The following CCDC126 variants were observed in gnomAD, a reference collection of about 807,000 sequenced individuals.
CCDC126 encodes the protein coiled-coil domain containing 126.
Under a neutral mutation model 11.7 loss-of-function variants are expected in CCDC126, and 5 were observed. That is an observed-to-expected ratio of 0.43 (90% CI 0.22 to 0.90). The LOEUF (loss-of-function observed/expected upper bound fraction) is 0.90, where lower values mean the gene tolerates loss of function less well. CCDC126 is among the 40% of genes least tolerant of loss of function. CCDC126 has a pLI of 0.27. For missense variants in CCDC126, 150 were observed against 163.1 expected, an observed-to-expected ratio of 0.92 and a Z score of 0.44; for synonymous variants, 60 against 61.9, an observed-to-expected ratio of 0.97 and a Z score of 0.14.
intron 3 of CCDC126, among the ~76,000 whole-genome samples, chr7:23,624,404 A>T (rs1448284612): frequency 6.6e-6 from 1 of 152,158 alleles, no homozygotes; most frequent in Non-Finnish European, 1.5e-5. Context: ...CGGCCTCTCA[A>T]AGTGCTGGGA....
At chr7:23,597,682 C>A in intron 1 of CCDC126, 77 bp downstream of exon 1, 1 of 152,858 alleles carries the variant, frequency 6.5e-6, no homozygotes, top group South Asian at 1.9e-4. Context: ...CCGCTCCTCC[C>A]CCGCCGCGCC....
intron 3 of CCDC126, among the ~76,000 whole-genome samples, chr7:23,638,218 C>T (rs1464716012): frequency 6.6e-6 from 1 of 152,060 alleles, no homozygotes; most frequent in South Asian, 2.1e-4. Context: ...GGAGGTGTGC[C>T]TAGCGACTCA....
chr7:23,643,213 C>A lies in CCDC126; in HGVS notation c.*98C>A. 2.0e-6 allele frequency: 2 copies of A among 999,624 alleles called. No individual in the cohort carries two copies. The highest frequency in any genetic ancestry group is 2.9e-5 in the Admixed American group (1 of 33,946). The allele number at this position is 999,624 out of a possible 1,614,324, so 61.9% of individuals were successfully genotyped here. ...TGGCTTAGGACAGAGCAATACTTTA[C>A]AATAAAAGCTCTACACATTTTCAAG... On this transcript the variant is annotated 3_prime_UTR_variant, in exon 4 of 4. Transcript: ENST00000307471.
At chr7:23,632,904 A>C (rs1219371051) in intron 3 of CCDC126, among the ~76,000 whole-genome samples, 2 of 152,238 alleles carry the variant, frequency 1.3e-5, no homozygotes, top group Non-Finnish European at 2.9e-5. Flanking sequence ...TTTCTTAGGA[A>C]AAATTAGGCT....
At chr7:23,603,381 A>C (rs1367185614) in intron 2 of CCDC126, among the ~76,000 whole-genome samples, 1 of 152,248 alleles carries the variant, frequency 6.6e-6, no homozygotes, top group African/African-American at 2.4e-5. Context: ...AACTGCCATT[A>C]CTATTTTCTG....
intron 3 of CCDC126, among the ~76,000 whole-genome samples, chr7:23,639,492 A>G (rs1224382423): frequency 1.3e-5 from 2 of 152,224 alleles, no homozygotes; most frequent in African/African-American, 2.4e-5. Flanking sequence ...GGCGTGAGCC[A>G]TCGCACCCAG....
chr7:23,632,011 C>T (rs1217989908), intron 3 of CCDC126, among the ~76,000 whole-genome samples: 1 of 151,892 alleles, frequency 6.6e-6, no homozygotes, highest in Non-Finnish European at 1.5e-5. Flanking sequence ...GATCAAAATT[C>T]CCCCAAATAT....
intron 3 of CCDC126, among the ~76,000 whole-genome samples, chr7:23,618,908 A>C (rs1358418061): frequency 6.6e-6 from 1 of 152,016 alleles, no homozygotes; most frequent in Non-Finnish European, 1.5e-5. Context: ...GATGATCTCT[A>C]ATATCAGTAT....
intron 3 of CCDC126, among the ~76,000 whole-genome samples, chr7:23,637,476 A>T: frequency 1.9e-5 from 1 of 53,670 alleles, no homozygotes; most frequent in East Asian, 6.6e-4. Context: ...TCCGGGAGGG[A>T]GGTGGGGGGG....
rs970463489 is a variant in CCDC126, at chr7:23,606,258, T to C, written c.-145-4913T>C. 1.4e-4 allele frequency among the ~76,000 whole-genome samples: 22 copies of C among 152,010 alleles called. No individual in the cohort carries two copies. In the East Asian group the frequency reaches 3.5e-3, roughly 24 times the overall value. ...TATTTTTAGTAGAGACGGGGTTTCATCATGTTAGCCAGGATGGTCTCGATC... is the reference window on the plus strand; with the variant it reads ...TATTTTTAGTAGAGACGGGGTTTCACCATGTTAGCCAGGATGGTCTCGATC... On this transcript the variant is annotated intron_variant, in intron 2 of 3. Transcript: ENST00000307471.
chr7:23,637,998 T>C (rs1216629534), intron 3 of CCDC126, among the ~76,000 whole-genome samples: 2 of 106,496 alleles, frequency 1.9e-5, no homozygotes, highest in Admixed American at 9.7e-5. Context: ...CCAGCCGCCC[T>C]ATCCAGGAGG....
intron 3 of CCDC126, among the ~76,000 whole-genome samples, chr7:23,623,613 T>G (rs765287185): frequency 1.3e-5 from 2 of 149,978 alleles, no homozygotes; most frequent in Non-Finnish European, 3.0e-5. Flanking sequence ...AAAAAAAAAA[T>G]TTAGTGATGG....
At chr7:23,609,383 A>G (rs1782669883) in intron 2 of CCDC126, among the ~76,000 whole-genome samples, 1 of 151,972 alleles carries the variant, frequency 6.6e-6, no homozygotes, top group Admixed American at 6.6e-5. Context: ...GGCTTTCACC[A>G]TTTTGGTGAA....
rs938153673 is a variant in CCDC126, at chr7:23,641,002, T to C, written c.239-1929T>C. 5.5e-3 allele frequency among the ~76,000 whole-genome samples: 805 copies of C among 146,980 alleles called. 11 individuals carry two copies. Among genetic ancestry groups the C allele is most frequent in the African/African-American group, 0.021 (785 of 38,036 alleles). ...CTCTGAATCCTTTTGGTTTTTTTTTTTTTTTTTTTTTTTGGTATATACCTA... is the reference window on the plus strand; with the variant it reads ...CTCTGAATCCTTTTGGTTTTTTTTTCTTTTTTTTTTTTTGGTATATACCTA... On this transcript the variant is annotated intron_variant, in intron 3 of 3. Coordinates refer to ENST00000307471, the MANE Select transcript of CCDC126 (RefSeq NM_138771.4).
intron 2 of CCDC126, among the ~76,000 whole-genome samples, chr7:23,610,753 CT>C (rs1479593309): frequency 2.6e-5 from 4 of 151,516 alleles, no homozygotes; most frequent in Non-Finnish European, 4.4e-5. Flanking sequence ...TTTTCCGATC[CT>C]TTTTCTTTCC....
intron 3 of CCDC126, among the ~76,000 whole-genome samples, chr7:23,611,955 AAC>A (rs2128015928): frequency 6.6e-6 from 1 of 152,242 alleles, no homozygotes; most frequent in African/African-American, 2.4e-5. Context: ...CATCCTGGCT[AAC>A]ACGGTAAAAC....
chr7:23,612,360 G>A (rs1782727619), intron 3 of CCDC126, among the ~76,000 whole-genome samples: 1 of 150,174 alleles, frequency 6.7e-6, no homozygotes, highest in African/African-American at 2.4e-5. Flanking sequence ...AGCTACTCGG[G>A]AGACTGAGGC....
chr7:23,611,292 G>GTC lies in CCDC126; in HGVS notation c.-22_-21dup. The GTC allele has an allele frequency of 6.8e-7, 1 of 1,460,502 alleles. No homozygotes were observed. Among genetic ancestry groups the GTC allele is most frequent in the Non-Finnish European group, 9.6e-7 (1 of 1,043,060 alleles). 90.5% of individuals were successfully genotyped at this position (1,460,502 alleles called of 1,614,324 possible). A position where few individuals can be genotyped will look rare whatever the true frequency, so the allele number is the denominator to read the frequency against. On this transcript the variant is annotated 5_prime_UTR_variant, in exon 3 of 4. Transcript: ENST00000307471. ...CCTCAAGTTACCATTTTTCAGTCAA[G>GTC]TCTGTTTGTTTGCTTCTTCAGAAAT... is the stretch of plus-strand genomic sequence containing the variant.
intron 3 of CCDC126, chr7:23,622,445 A>G: frequency 2.7e-6 from 1 of 375,542 alleles, no homozygotes; most frequent in Non-Finnish European, 5.3e-6. Context: ...ATCATTTTTT[A>G]TTGCGTCTAT....
Sources: gnomAD v4.1 joint callset for allele counts (sites outside exome capture counted in the v4.1 genomes callset) on GRCh38, gnomAD v4.1.1 for gene constraint, MANE v1.5 for transcripts, NCBI Gene and HGNC (gene_info 2026-07-23, HGNC 2026-07-21) for gene names.